Variants in KATNIP observed in about 807,000 individuals in gnomAD.
KATNIP encodes the protein katanin interacting protein, also known as katanin-interacting protein.
Under a neutral mutation model 174.0 loss-of-function variants are expected in KATNIP, and 126 were observed. The ratio of observed to expected loss-of-function variants is 0.72; its 90% CI spans 0.63 to 0.84. The LOEUF (loss-of-function observed/expected upper bound fraction) is 0.84. Ranked by LOEUF, KATNIP falls within the 40% of genes least tolerant of loss-of-function variation. The probability of loss-of-function intolerance (pLI) is 0.00; values close to 1 mark genes in which losing one functional copy is unlikely to be tolerated. For missense variants in KATNIP, 1,958 were observed against 2,109.7 expected (o/e 0.93, Z 1.41); for synonymous variants, 810 against 835.7 (o/e 0.97, Z 0.53).
chr16:27,721,724 G>A (rs777943620), intron 14 of KATNIP, 29 bp downstream of exon 14: 1 of 1,608,596 alleles, frequency 6.2e-7, no homozygotes, highest in East Asian at 2.2e-5. Flanking sequence ...TTCCCCACTG[G>A]GCACTGGGTT....
At chr16:27,596,014 G>C (rs953695930) in intron 2 of KATNIP, among the ~76,000 whole-genome samples, 1 of 152,140 alleles carries the variant, frequency 6.6e-6, no homozygotes, top group East Asian at 1.9e-4. Flanking sequence ...AGGTCGTGTA[G>C]GGCTTTGTGT....
intron 15 of KATNIP, among the ~76,000 whole-genome samples, chr16:27,743,474 A>G (rs2081181266): frequency 6.6e-6 from 1 of 152,054 alleles, no homozygotes; most frequent in Middle Eastern, 3.2e-3. Context: ...ACCCCTTCTG[A>G]GACTTAACAC....
At chr16:27,697,070 GGTTGAT>G (rs2078939463) in intron 8 of KATNIP, among the ~76,000 whole-genome samples, 1 of 152,110 alleles carries the variant, frequency 6.6e-6, no homozygotes, top group Non-Finnish European at 1.5e-5. Flanking sequence ...TGGGCATTTA[GGTTGAT>G]TCCATGTCTT....
chr16:27,673,280 T>A (rs1232807497), intron 6 of KATNIP, among the ~76,000 whole-genome samples: 5 of 152,174 alleles, frequency 3.3e-5, no homozygotes, highest in Non-Finnish European at 7.4e-5. Flanking sequence ...TACAGAGCAT[T>A]ATTCTACCGT....
At chr16:27,697,089 C>G (rs1782280188) in intron 8 of KATNIP, among the ~76,000 whole-genome samples, 1 of 152,130 alleles carries the variant, frequency 6.6e-6, no homozygotes, top group Admixed American at 6.5e-5. Flanking sequence ...CATGTCTTTG[C>G]TATTGTGAAT....
chr16:27,750,653 C>T (rs2143801588), intron 16 of KATNIP, among the ~76,000 whole-genome samples: 1 of 146,980 alleles, frequency 6.8e-6, no homozygotes, highest in East Asian at 2.0e-4. Context: ...AGGATGGTCT[C>T]GATCTCCTGA....
At chr16:27,625,034 C>T (rs752956664) in intron 3 of KATNIP, among the ~76,000 whole-genome samples, 21 of 152,070 alleles carry the variant, frequency 1.4e-4, no homozygotes, top group Non-Finnish European at 1.3e-4. Flanking sequence ...GGGAAGAGTT[C>T]GATTTTAGAT....
chr16:27,590,796 C>G (rs1449226062), intron 2 of KATNIP, among the ~76,000 whole-genome samples: 1 of 152,188 alleles, frequency 6.6e-6, no homozygotes, highest in Non-Finnish European at 1.5e-5. Context: ...TTGCGGCTGT[C>G]CTTCTGTTTT....
At chr16:27,673,342 CCTAGGAACT>C (rs2077988361) in intron 6 of KATNIP, among the ~76,000 whole-genome samples, 1 of 152,158 alleles carries the variant, frequency 6.6e-6, no homozygotes. Context: ...CAGCAGGTCG[CCTAGGAACT>C]CATGTTGCCC....
chr16:27,587,334 G>C (rs964253819), intron 2 of KATNIP, among the ~76,000 whole-genome samples: 5 of 152,224 alleles, frequency 3.3e-5, no homozygotes, highest in African/African-American at 9.6e-5. Context: ...AGCTGGGGTT[G>C]GGGTAGGGAG....
chr16:27,691,023 A>G (rs1268865476), intron 8 of KATNIP, among the ~76,000 whole-genome samples: 10 of 152,136 alleles, frequency 6.6e-5, no homozygotes, highest in Non-Finnish European at 1.5e-5. Flanking sequence ...TAGGCAGGTT[A>G]TGCCTGTGGG....
intron 1 of KATNIP, among the ~76,000 whole-genome samples, chr16:27,552,377 CTTTTTTTTTTT>C (rs1167836198): frequency 7.4e-6 from 1 of 135,082 alleles, no homozygotes; most frequent in Non-Finnish European, 1.6e-5. Context: ...TTTCTTTTTT[CTTTTTTTTTTT>C]TTTTTTGAGA....
chr16:27,690,637 C>A (rs1405373200), intron 8 of KATNIP, among the ~76,000 whole-genome samples: 1 of 152,230 alleles, frequency 6.6e-6, no homozygotes, highest in African/African-American at 2.4e-5. Context: ...AGGGCACACT[C>A]TCCCTTCCCC....
At chr16:27,766,060 T>C (rs1438939046) in intron 19 of KATNIP, among the ~76,000 whole-genome samples, 2 of 151,810 alleles carry the variant, frequency 1.3e-5, no homozygotes, top group Non-Finnish European at 2.9e-5. Context: ...AAAACCCTGA[T>C]GATTGCTTTT....
intron 1 of KATNIP, among the ~76,000 whole-genome samples, chr16:27,551,289 T>C (rs2089352377): frequency 6.6e-6 from 1 of 152,222 alleles, no homozygotes; most frequent in African/African-American, 2.4e-5. Context: ...ATCCACATTC[T>C]TTTTATATTC....
chr16:27,689,415 A>G (rs967845955), intron 8 of KATNIP, among the ~76,000 whole-genome samples: 1 of 152,150 alleles, frequency 6.6e-6, no homozygotes, highest in Non-Finnish European at 1.5e-5. Context: ...CGTCTAAAAA[A>G]AAAAAAAAGT....
chr16:27,766,436 T>C lies in KATNIP; in HGVS notation c.3937T>C (p.Trp1313Arg), dbSNP rs778812392. 1.2e-6 allele frequency: 2 copies of C among 1,613,804 alleles called. No homozygotes were observed. The highest frequency in any genetic ancestry group is 1.7e-6 in the Non-Finnish European group (2 of 1,180,024). ...CGAAAGCATCGCAGGCCTGCGCTTCTGGAACTACAATAAATCTCCCGAGGA... is the reference window on the plus strand; with the variant it reads ...CGAAAGCATCGCAGGCCTGCGCTTCCGGAACTACAATAAATCTCCCGAGGA... ...RAESIAGLRF[W>R]NYNKSPEDTY... The change falls in exon 20 of 28, where the codon TGG (tryptophan) becomes CGG (arginine). Residue 1313 changes from tryptophan (W) to arginine (R), a missense_variant. Trp to Arg is a moderately radical substitution (Grantham distance 101). Coordinates refer to ENST00000261588, the MANE Select transcript of KATNIP (RefSeq NM_015202.5).
chr16:27,550,316 G>A (rs2089291954), intron 1 of KATNIP, 139 bp downstream of exon 1: 2 of 958,574 alleles, frequency 2.1e-6, no homozygotes, highest in Non-Finnish European at 3.1e-6. Context: ...ATGAGGGATA[G>A]GGAGGCTTAG....
At chr16:27,563,891 TAAAAAAAA>T (rs58505514) in intron 1 of KATNIP, among the ~76,000 whole-genome samples, 2 of 66,682 alleles carry the variant, frequency 3.0e-5, no homozygotes, top group African/African-American at 6.4e-5. Context: ...TCTAGTAAAT[TAAAAAAAA>T]AAAAAAAAAA....
Sources: gnomAD v4.1 joint callset for allele counts (sites outside exome capture counted in the v4.1 genomes callset) on GRCh38, gnomAD v4.1.1 for gene constraint, MANE v1.5 for transcripts, NCBI Gene and HGNC (gene_info 2026-07-23, HGNC 2026-07-21) for gene names.